The following TCP11L1 variants were observed in gnomAD, a reference collection of about 807,000 sequenced individuals.
The protein encoded by TCP11L1 is t-complex 11 like 1.
TCP11L1 carries 28 observed loss-of-function variants against 48.9 expected under a neutral mutation model. That is an observed-to-expected ratio of 0.57 (90% CI 0.42 to 0.78). The LOEUF is 0.78. Among genes scored for constraint, TCP11L1 ranks in the 30% least tolerant of loss-of-function variants. TCP11L1 has a pLI of 0.00. For synonymous variants in TCP11L1, 204 were observed against 231.9 expected, an observed-to-expected ratio of 0.88 and a Z score of 1.09; for missense variants, 505 against 613.4, an observed-to-expected ratio of 0.82 and a Z score of 1.87.
chr11:33,045,864 G>A (rs951105387), intron 2 of TCP11L1, among the ~76,000 whole-genome samples: 2 of 152,222 alleles, frequency 1.3e-5, no homozygotes, highest in Non-Finnish European at 2.9e-5. Flanking sequence ...GGATGTGGGG[G>A]TTGAAAGAAA....
chr11:33,064,146 AT>A (rs1252193990), intron 7 of TCP11L1, among the ~76,000 whole-genome samples: 1 of 152,130 alleles, frequency 6.6e-6, no homozygotes, highest in Admixed American at 6.6e-5. Context: ...CGTAAAAAAA[AT>A]AAATAGAAAA....
intron 2 of TCP11L1, among the ~76,000 whole-genome samples, chr11:33,053,572 G>C (rs1854226756): frequency 6.6e-6 from 1 of 152,200 alleles, no homozygotes; most frequent in Non-Finnish European, 1.5e-5. Flanking sequence ...AGTCGATACA[G>C]AAGTAAAATC....
In TCP11L1 at chr11:33,072,776, A is replaced by G. The variant is rs1482646463; in HGVS notation, c.*100A>G. 16 of 1,279,450 alleles carry G rather than the reference A, an allele frequency of 1.3e-5. No individual in the cohort carries two copies. In the Middle Eastern group the frequency reaches 1.0e-3, roughly 83 times the overall value. The allele number at this position is 1,279,450 out of a possible 1,614,324, so 79.3% of individuals were successfully genotyped here. A position where few individuals can be genotyped will look rare whatever the true frequency, so the allele number is the denominator to read the frequency against. On this transcript the variant is annotated 3_prime_UTR_variant, in exon 10 of 10. Coordinates refer to ENST00000334274, the MANE Select transcript of TCP11L1 (RefSeq NM_018393.4). ...GAAAATGGCTATATAGTACATGTCT[A>G]TTTAACAGCACCGATTCCAAAGGGA...
In TCP11L1 at chr11:33,058,003, G is replaced by C; in HGVS notation, c.502G>C (p.Glu168Gln). 1.2e-6 allele frequency: 2 copies of C among 1,614,136 alleles called. No homozygotes were observed. Among genetic ancestry groups the C allele is most frequent in the Non-Finnish European group, 1.7e-6 (2 of 1,180,024 alleles). ...CTTGGATCTGGATCTGATAAAGCAG[G>C]AAGCAGAGAATGGGGCGCTAGACAT... ...EVLDLDLIKQ[E>Q]AENGALDISK... The change falls in exon 5 of 10, where the codon GAA becomes CAA. Residue 168 changes from glutamate to glutamine, a missense_variant. By Grantham distance (29) the Glu-to-Gln change is conservative. Transcript: ENST00000334274.
chr11:33,050,634 C>G (rs1274065906), intron 2 of TCP11L1, among the ~76,000 whole-genome samples: 6 of 138,668 alleles, frequency 4.3e-5, no homozygotes, highest in African/African-American at 1.7e-4. Context: ...AGAATAAGAC[C>G]CTATTTCAAA....
chr11:33,055,199 A>C (rs887617140), intron 3 of TCP11L1, among the ~76,000 whole-genome samples: 4 of 152,240 alleles, frequency 2.6e-5, no homozygotes, highest in Non-Finnish European at 4.4e-5. Flanking sequence ...GAAAGATCCA[A>C]GTTTCTGAGA....
chr11:33,049,356 G>A lies in TCP11L1; in HGVS notation c.164-5237G>A, dbSNP rs1790231763. Among the ~76,000 whole-genome samples, 4 of 152,230 alleles carry A rather than the reference G, an allele frequency of 2.6e-5. No individual in the cohort carries two copies. The South Asian group carries it at 8.3e-4, about 32-fold the overall frequency. On this transcript the variant is annotated intron_variant, in intron 2 of 9. Coordinates refer to ENST00000334274, the MANE Select transcript of TCP11L1 (RefSeq NM_018393.4). The stretch of plus-strand genomic sequence containing the variant: ...TTGATTATTTTTGAAGGGGTGGCCT[G>A]CCCCTCCACAACCTGTGGGTGTTTC...
intron 1 of TCP11L1, among the ~76,000 whole-genome samples, chr11:33,042,622 T>A (rs368410820): frequency 1.4e-4 from 21 of 152,328 alleles, no homozygotes; most frequent in African/African-American, 4.8e-4. Flanking sequence ...CACACATTCC[T>A]CTTAAACATT....
intron 2 of TCP11L1, among the ~76,000 whole-genome samples, chr11:33,044,970 G>A (rs1208397552): frequency 6.6e-6 from 1 of 152,196 alleles, no homozygotes; most frequent in African/African-American, 2.4e-5. Context: ...AAGGCACTTA[G>A]AACAGTGCTT....
At chr11:33,049,992 G>T (rs375405663) in intron 2 of TCP11L1, among the ~76,000 whole-genome samples, 3 of 152,180 alleles carry the variant, frequency 2.0e-5, no homozygotes, top group Admixed American at 6.5e-5. Context: ...AGGGCCTTCC[G>T]CAGTGTATTG....
chr11:33,066,092 G>A (rs1238890544), intron 8 of TCP11L1, 81 bp downstream of exon 8: 7 of 1,545,804 alleles, frequency 4.5e-6, no homozygotes, highest in Non-Finnish European at 6.2e-6. Flanking sequence ...GTCTCCCACT[G>A]TAAGGCAGAG....
At chr11:33,066,556 C>T (rs868635338) in intron 8 of TCP11L1, among the ~76,000 whole-genome samples, 32 of 151,998 alleles carry the variant, frequency 2.1e-4, no homozygotes, top group African/African-American at 7.5e-4. Context: ...TCCCGCGGCC[C>T]TCCATTCCCT....
At chr11:33,042,789 C>T (rs1234520167) in intron 1 of TCP11L1, among the ~76,000 whole-genome samples, 1 of 149,550 alleles carries the variant, frequency 6.7e-6, no homozygotes, top group Non-Finnish European at 1.5e-5. Flanking sequence ...AAAATTAGGC[C>T]AGGCGCAGTG....
intron 5 of TCP11L1, among the ~76,000 whole-genome samples, chr11:33,058,511 A>G (rs12282548): frequency 0.41 from 61,432 of 150,422 alleles, 12,786 homozygotes; most frequent in African/African-American, 0.47. Flanking sequence ...AACTATTTTC[A>G]ATTTAAACTT....
intron 1 of TCP11L1, chr11:33,041,019 G>C (rs7120623): frequency 0.41 from 62,033 of 152,036 alleles, 12,847 homozygotes; most frequent in African/African-American, 0.46. Context: ...AAATAAGCAC[G>C]CTTTGAATTG....
chr11:33,072,735 C>T lies in TCP11L1; in HGVS notation c.*59C>T, dbSNP rs999051013. The T allele has an allele frequency of 3.2e-6, 5 of 1,570,494 alleles. No individual in the cohort carries two copies. The highest frequency in any genetic ancestry group is 1.8e-4 in the Middle Eastern group (1 of 5,452). ...CTAGCCACAGAATACCTGTTCTGTA[C>T]TCTAATGTTGCATTGGAAAATGGCT... On this transcript the variant is annotated 3_prime_UTR_variant, in exon 10 of 10. Transcript: ENST00000334274.
intron 1 of TCP11L1, among the ~76,000 whole-genome samples, chr11:33,041,606 C>T (rs995833250): frequency 3.3e-5 from 5 of 152,012 alleles, no homozygotes; most frequent in African/African-American, 1.2e-4. Flanking sequence ...CGAAAATTAG[C>T]GAGGCGTGGT....
At chr11:33,045,832 G>C (rs1434061418) in intron 2 of TCP11L1, among the ~76,000 whole-genome samples, 1 of 152,250 alleles carries the variant, frequency 6.6e-6, no homozygotes, top group African/African-American at 2.4e-5. Context: ...CATTGGTGAT[G>C]AAACAAAGAA....
intron 2 of TCP11L1, among the ~76,000 whole-genome samples, chr11:33,051,656 G>A (rs951397665): frequency 2.6e-5 from 4 of 151,974 alleles, no homozygotes; most frequent in South Asian, 2.1e-4. Context: ...ACAGGATTTC[G>A]CTGTGTTGTC....
Sources: allele counts gnomAD v4.1 joint callset (sites outside exome capture counted in the v4.1 genomes callset), GRCh38; gene constraint gnomAD v4.1.1; transcripts MANE v1.5; gene names NCBI Gene and HGNC (gene_info 2026-07-23, HGNC 2026-07-21).